The following EPC2 variants were observed in gnomAD, a reference collection of about 807,000 sequenced individuals.
EPC2 encodes the protein enhancer of polycomb homolog 2.
A neutral mutation model predicts 92.1 loss-of-function variants in EPC2; 14 were observed. The ratio of observed to expected loss-of-function variants is 0.15; its 90% CI spans 0.10 to 0.24. EPC2 has a LOEUF of 0.24. Ranked by LOEUF, EPC2 falls within the 10% of genes least tolerant of loss-of-function variation. EPC2 has a pLI of 1.00. For missense variants in EPC2, 755 were observed against 971.5 expected, an observed-to-expected ratio of 0.78 and a Z score of 2.96; for synonymous variants, 340 against 334.7, an observed-to-expected ratio of 1.02 and a Z score of -0.17.
At position 148,781,862 on chromosome 2, in the gene EPC2, G is replaced by C. The variant is rs114866381; in HGVS notation, c.1857+82G>C. 2.9e-3 allele frequency: 4,352 copies of C among 1,526,186 alleles called. 100 individuals carry two copies. In the African/African-American group the frequency reaches 0.051, roughly 18 times the overall value. The allele number at this position is 1,526,186 out of a possible 1,614,324, so 94.5% of individuals were successfully genotyped here. A position where few individuals can be genotyped will look rare whatever the true frequency, so the allele number is the denominator to read the frequency against. ...ATTCCATTTTAGTCAAGTCACAGAA[G>C]ATAATCTTGGTTTTGCCACTCTTGA... On this transcript the variant is annotated intron_variant, in intron 11 of 13. Coordinates refer to ENST00000258484, the MANE Select transcript of EPC2 (RefSeq NM_015630.4).
intron 2 of EPC2, among the ~76,000 whole-genome samples, chr2:148,727,726 G>A (rs917956924): frequency 1.3e-5 from 2 of 152,096 alleles, no homozygotes; most frequent in Non-Finnish European, 2.9e-5. Context: ...AGAAAATGTG[G>A]GAGAATCTCA....
At chr2:148,764,180 A>T (rs986094843) in intron 6 of EPC2, among the ~76,000 whole-genome samples, 1 of 152,198 alleles carries the variant, frequency 6.6e-6, no homozygotes, top group African/African-American at 2.4e-5. Flanking sequence ...TTTTGACCTT[A>T]AAGTAGTTAA....
At chr2:148,674,797 CA>C (rs2105362664) in intron 1 of EPC2, among the ~76,000 whole-genome samples, 1 of 152,230 alleles carries the variant, frequency 6.6e-6, no homozygotes, top group South Asian at 2.1e-4. Flanking sequence ...TGGGGTACTG[CA>C]ATTTCTCAGC....
At chr2:148,678,987 T>C (rs1361074355) in intron 1 of EPC2, among the ~76,000 whole-genome samples, 2 of 152,214 alleles carry the variant, frequency 1.3e-5, no homozygotes, top group Admixed American at 1.3e-4. Context: ...AATTTGAAGT[T>C]ACAATGCACT....
chr2:148,651,389 C>G (rs755473764), intron 1 of EPC2, among the ~76,000 whole-genome samples: 1 of 152,160 alleles, frequency 6.6e-6, no homozygotes, highest in Non-Finnish European at 1.5e-5. Flanking sequence ...CTTCTGTCTT[C>G]CCCTTCATTT....
At chr2:148,663,963 T>C (rs955788648) in intron 1 of EPC2, among the ~76,000 whole-genome samples, 9 of 152,106 alleles carry the variant, frequency 5.9e-5, no homozygotes, top group Non-Finnish European at 2.9e-5. Context: ...GTGTGGTCCA[T>C]GGTCCAGGAG....
At chr2:148,651,051 C>T (rs1680673083) in intron 1 of EPC2, among the ~76,000 whole-genome samples, 2 of 152,078 alleles carry the variant, frequency 1.3e-5, no homozygotes, top group Non-Finnish European at 2.9e-5. Context: ...ATCAAAAGAG[C>T]ATTAGAGAAA....
At chr2:148,775,829 G>C (rs1408900922) in intron 10 of EPC2, among the ~76,000 whole-genome samples, 1 of 131,466 alleles carries the variant, frequency 7.6e-6, no homozygotes, top group Non-Finnish European at 1.6e-5. Context: ...CCAGGCTGGA[G>C]TACAGTGGCA....
At chr2:148,709,478 G>C (rs1267741603) in intron 2 of EPC2, among the ~76,000 whole-genome samples, 1 of 152,138 alleles carries the variant, frequency 6.6e-6, no homozygotes, top group East Asian at 1.9e-4. Context: ...TTTCTTCACA[G>C]AATTGGAAAA....
Position 148,706,915 on chromosome 2 carries a change from C to T in EPC2, c.313+16542C>T, listed in dbSNP as rs1353615619. Among the ~76,000 whole-genome samples, 9 of 152,076 alleles carry T rather than the reference C, an allele frequency of 5.9e-5. No homozygotes were observed. The South Asian group carries it at 8.3e-4, about 14-fold the overall frequency. On this transcript the variant is annotated intron_variant, in intron 2 of 13. Transcript: ENST00000258484. ...AAACATGCCAAATTGTAAAGACCAT[C>T]GATGCTAGGAAGACACTGCATCAAC...
chr2:148,664,579 A>C (rs1219770353), intron 1 of EPC2, among the ~76,000 whole-genome samples: 3 of 152,164 alleles, frequency 2.0e-5, no homozygotes, highest in Non-Finnish European at 4.4e-5. Flanking sequence ...TGTTGTGTTG[A>C]TGTTTGTGTT....
intron 1 of EPC2, among the ~76,000 whole-genome samples, chr2:148,662,469 A>G (rs752058753): frequency 6.6e-6 from 1 of 152,236 alleles, no homozygotes; most frequent in Admixed American, 6.5e-5. Flanking sequence ...CATATACACC[A>G]TGGAATACTA....
chr2:148,664,703 A>T (rs1018327241), intron 1 of EPC2, among the ~76,000 whole-genome samples: 6 of 152,182 alleles, frequency 3.9e-5, no homozygotes, highest in Non-Finnish European at 7.3e-5. Flanking sequence ...AGTGGTTTGC[A>T]TTCTCTAGAA....
chr2:148,721,886 A>ATTTT (rs1302062474), intron 2 of EPC2, among the ~76,000 whole-genome samples: 9 of 11,122 alleles, frequency 8.1e-4, no homozygotes, highest in South Asian at 3.5e-3. Context: ...TTCTGTTTTG[A>ATTTT]TTTCTTTTTT....
At chr2:148,645,281 G>T (rs780974904) in intron 1 of EPC2, 111 bp downstream of exon 1, 7 of 984,558 alleles carry the variant, frequency 7.1e-6, no homozygotes, top group Non-Finnish European at 8.9e-6. Context: ...CGCCGCTGCC[G>T]CTCTAACGCA....
Position 148,786,310 on chromosome 2 carries a change from A to G in EPC2, c.2357A>G (p.Asn786Ser). The G allele has an allele frequency of 1.2e-6, 2 of 1,611,414 alleles. No homozygotes were observed. The highest frequency in any genetic ancestry group is 1.7e-6 in the Non-Finnish European group (2 of 1,178,664). ...SSAISSIARE[N>S]HEPERLGLNG... is the part of the protein sequence containing the mutation. ...CCTTTGCCTTATTACCATAGAGAGA[A>G]CCACGAACCAGAAAGATTGGGCTTA... The change falls in exon 14 of 14, where the codon AAC becomes AGC. Residue 786 changes from asparagine (N) to serine (S), a missense_variant. Asn to Ser is a conservative substitution (Grantham distance 46). This residue lies in a region of EPC2 where 207 missense variants were observed against 260.5 expected (regional missense o/e 0.79). Coordinates refer to ENST00000258484, the MANE Select transcript of EPC2 (RefSeq NM_015630.4).
chr2:148,671,081 T>C (rs1016619697), intron 1 of EPC2, among the ~76,000 whole-genome samples: 2 of 152,234 alleles, frequency 1.3e-5, no homozygotes, highest in Admixed American at 1.3e-4. Context: ...AAGTCTGATA[T>C]ATAGGTTTAA....
Position 148,763,700 on chromosome 2 carries a change from G to A in EPC2, c.948+898G>A, listed in dbSNP as rs756044014. Among the ~76,000 whole-genome samples, 3 of 152,242 alleles carry A rather than the reference G, an allele frequency of 2.0e-5. 1 individual carries two copies. Among genetic ancestry groups the A allele is most frequent in the Non-Finnish European group, 1.5e-5 (1 of 68,004 alleles). On this transcript the variant is annotated intron_variant, in intron 6 of 13. Transcript: ENST00000258484. ...AAGTTCTTTCTTATTAATCACAGGC[G>A]TCTAGCCCACCATCCTGATTCTCTC... is the stretch of plus-strand genomic sequence containing the variant.
chr2:148,664,804 G>A (rs900451379), intron 1 of EPC2, among the ~76,000 whole-genome samples: 2 of 152,104 alleles, frequency 1.3e-5, no homozygotes, highest in African/African-American at 4.8e-5. Flanking sequence ...AATACATATT[G>A]CAGCTTGTAT....
Sources: gnomAD v4.1 joint callset for allele counts (sites outside exome capture counted in the v4.1 genomes callset) on GRCh38, gnomAD v4.1.1 for gene constraint, gnomAD v4.1.1 regional missense constraint, MANE v1.5 for transcripts, NCBI Gene and HGNC (gene_info 2026-07-23, HGNC 2026-07-21) for gene names.